OR2J2: variants seen among roughly 807,000 people sequenced by gnomAD.
The protein encoded by OR2J2 is olfactory receptor 2J2.
A neutral mutation model predicts 16.9 loss-of-function variants in OR2J2; 13 were observed. The observed-to-expected ratio is 0.77, with a 90% confidence interval of 0.50 to 1.23. The LOEUF is 1.23. Among genes scored for constraint, OR2J2 ranks in the 50% most tolerant of loss-of-function variants. The probability of loss-of-function intolerance (pLI) is 0.00; values close to 1 mark genes in which losing one functional copy is unlikely to be tolerated. For missense variants in OR2J2, 341 were observed against 379.1 expected (o/e 0.90, Z 0.84); for synonymous variants, 125 against 141.2 (o/e 0.89, Z 0.81).
rs763833421 is a variant in OR2J2 at position 29,174,586 on chromosome 6, T to A, written c.*12T>A. 37 of 1,562,820 alleles carry A rather than the reference T, an allele frequency of 2.4e-5. No individual in the cohort carries two copies. The highest frequency in any genetic ancestry group is 3.2e-5 in the Non-Finnish European group (37 of 1,154,562). ...AGTGGGGGAAGTGACAGGGAAATCA[T>A]GTTGTCTGTTGTCATTGTTTTTCCT... On this transcript the variant is annotated 3_prime_UTR_variant, in exon 2 of 2. Coordinates refer to ENST00000641417, the MANE Select transcript of OR2J2 (RefSeq NM_030905.3).
In OR2J2 at chr6:29,174,191, C is replaced by T. The variant is rs1237218691; in HGVS notation, c.556C>T (p.Leu186=). The T allele has an allele frequency of 9.3e-6, 15 of 1,613,766 alleles. No homozygotes were observed. Among genetic ancestry groups the T allele is most frequent in the Non-Finnish European group, 1.3e-5 (15 of 1,179,956 alleles). ...CTTCTTCTGTGAAGTTCCAGCACTTCTGCGTTTATCATGTGTTGACACCCA... is the reference window on the plus strand; with the variant it reads ...CTTCTTCTGTGAAGTTCCAGCACTTTTGCGTTTATCATGTGTTGACACCCA... The part of the protein sequence containing the change: ...DHFFCEVPAL[L]RLSCVDTHAN... The change falls in exon 2 of 2, where the codon CTG becomes TTG. Residue 186 remains leucine (L), a synonymous_variant. Transcript: ENST00000641417.
Position 29,174,486 on chromosome 6 carries a change from C to A in OR2J2, c.851C>A (p.Pro284Gln), listed in dbSNP as rs368672235. ...FIALFYTVVT[P>Q]SLNPLIYTLR... ...GCCCTCTTTTATACTGTTGTCACAC[C>A]GAGTCTTAATCCTCTAATCTACACT... The change falls in exon 2 of 2, where the codon CCG (proline) becomes CAG (glutamine). Residue 284 changes from proline to glutamine, a missense_variant. Physicochemically the swap from Pro to Gln is moderately conservative, Grantham distance 76. Transcript: ENST00000641417. 3.1e-6 allele frequency: 5 copies of A among 1,613,598 alleles called. No homozygotes were observed. The highest frequency in any genetic ancestry group is 4.2e-6 in the Non-Finnish European group (5 of 1,179,890).
chr6:29,174,786 A>G lies in OR2J2; in HGVS notation c.*212A>G. On this transcript the variant is annotated 3_prime_UTR_variant, in exon 2 of 2. Transcript: ENST00000641417. The stretch of plus-strand genomic sequence containing the variant: ...ATTAGTGCCACTTTGTTCTTTTACA[A>G]TTGTATATTTTATTTCTGTGAAAAT... 2.1e-6 allele frequency: 1 copy of G among 465,762 alleles called. No homozygotes were observed. The highest frequency in any genetic ancestry group is 3.3e-5 in the East Asian group (1 of 30,328). 28.9% of individuals were successfully genotyped at this position (465,762 alleles called of 1,614,324 possible).
At chr6:29,171,313 T>C (rs997209427) in intron 1 of OR2J2, among the ~76,000 whole-genome samples, 1 of 152,054 alleles carries the variant, frequency 6.6e-6, no homozygotes, top group African/African-American at 2.4e-5. Flanking sequence ...TATACAATTA[T>C]TACTAGTCAA....
rs3129152 is a variant in OR2J2, at chr6:29,171,000, A to C, written c.-123A>C. ...ATGTTATAAGAAGGCAATTAGGTTGATGTTTTTAGGTTGTATGGCAACCAG... is the reference window on the plus strand; with the variant it reads ...ATGTTATAAGAAGGCAATTAGGTTGCTGTTTTTAGGTTGTATGGCAACCAG... On this transcript the variant is annotated 5_prime_UTR_variant, in exon 1 of 2. It removes an upstream start codon present in the reference 5' UTR. Coordinates refer to ENST00000641417, the MANE Select transcript of OR2J2 (RefSeq NM_030905.3). 35,918 of 152,008 alleles carry C rather than the reference A, an allele frequency of 0.24. 4,902 individuals are homozygous for C. The highest frequency in any genetic ancestry group is 0.37 in the African/African-American group (15,209 of 41,424). The allele number at this position is 152,008 out of a possible 1,614,324, so 9.4% of individuals were successfully genotyped here.
In OR2J2 at chr6:29,174,633, G is replaced by A. The variant is rs1322371311; in HGVS notation, c.*59G>A. On this transcript the variant is annotated 3_prime_UTR_variant, in exon 2 of 2. Coordinates refer to ENST00000641417, the MANE Select transcript of OR2J2 (RefSeq NM_030905.3). ...TCCTAGGGTCTTAGCCATCTTGAAA[G>A]GTGGTTTCCCTGCTTCTTTGTGATT... 1.5e-6 allele frequency: 2 copies of A among 1,371,170 alleles called. No homozygotes were observed. The highest frequency in any genetic ancestry group is 2.0e-6 in the Non-Finnish European group (2 of 1,013,472). 84.9% of individuals were successfully genotyped at this position (1,371,170 alleles called of 1,614,324 possible).
At chr6:29,172,879 G>T (rs1765577207) in intron 1 of OR2J2, among the ~76,000 whole-genome samples, 1 of 152,050 alleles carries the variant, frequency 6.6e-6, no homozygotes. Flanking sequence ...TCACTGTTGT[G>T]CATCCAAACA....
chr6:29,174,423 C>T lies in OR2J2; in HGVS notation c.788C>T (p.Pro263Leu). The change falls in exon 2 of 2, where the codon CCA (proline) becomes CTA (leucine). Residue 263 changes from proline to leucine, a missense_variant. Transcript: ENST00000641417. ...FIPVMCMYLQ[P>L]PSENSPDQGK... is the part of the protein sequence containing the mutation. Reference sequence around the variant, plus strand: ...CCAGTCATGTGCATGTATCTCCAGCCACCATCAGAAAATTCTCCTGATCAG... The same window carrying T: ...CCAGTCATGTGCATGTATCTCCAGCTACCATCAGAAAATTCTCCTGATCAG... 1 of 1,613,942 alleles carries T rather than the reference C, an allele frequency of 6.2e-7. No individual in the cohort carries two copies. Among genetic ancestry groups the T allele is most frequent in the South Asian group, 1.1e-5 (1 of 91,076 alleles).
At chr6:29,173,107 G>A (rs187548898) in intron 1 of OR2J2, among the ~76,000 whole-genome samples, 7 of 152,110 alleles carry the variant, frequency 4.6e-5, no homozygotes, top group African/African-American at 1.7e-4. Flanking sequence ...TATTTGTCTA[G>A]AAATAAACTG....
At chr6:29,173,066 T>C (rs1765588893) in intron 1 of OR2J2, among the ~76,000 whole-genome samples, 1 of 152,136 alleles carries the variant, frequency 6.6e-6, no homozygotes, top group Non-Finnish European at 1.5e-5. Context: ...TGCGTGCATA[T>C]TCTCTTTAAA....
rs1765648664 is a variant in OR2J2 at position 29,173,905 on chromosome 6, A to G, written c.270A>G (p.Glu90=). ...TGCTGGTGAATCTCCGGGGCCCGGA[A>G]AAGACCATCTCGTATGCTGGTTGCA... ...PQLLVNLRGP[E]KTISYAGCMV... The change falls in exon 2 of 2, where the codon GAA becomes GAG. Residue 90 remains glutamate, a synonymous_variant. Coordinates refer to ENST00000641417, the MANE Select transcript of OR2J2 (RefSeq NM_030905.3). 1 of 1,612,000 alleles carries G rather than the reference A, an allele frequency of 6.2e-7. No homozygotes were observed. The highest frequency in any genetic ancestry group is 1.1e-5 in the South Asian group (1 of 90,862).
rs774189553 is a variant in OR2J2, at chr6:29,174,524, C to T, written c.889C>T (p.His297Tyr). ...NPLIYTLRNK[H>Y]VKGAAKRLLG... ...TCTAATCTACACTCTCAGAAACAAG[C>T]ATGTAAAAGGGGCAGCGAAGAGACT... The change falls in exon 2 of 2, where the codon CAT (histidine) becomes TAT (tyrosine). Residue 297 changes from histidine to tyrosine, a missense_variant. His to Tyr is a moderately conservative substitution (Grantham distance 83, BLOSUM62 2). Coordinates refer to ENST00000641417, the MANE Select transcript of OR2J2 (RefSeq NM_030905.3). The T allele has an allele frequency of 1.2e-6, 2 of 1,613,512 alleles. No homozygotes were observed. Among genetic ancestry groups the T allele is most frequent in the East Asian group, 2.2e-5 (1 of 44,830 alleles).
At position 29,174,984 on chromosome 6, in the gene OR2J2, A is replaced by C. The variant is rs1765761995; in HGVS notation, c.*410A>C. On this transcript the variant is annotated 3_prime_UTR_variant, in exon 2 of 2. Coordinates refer to ENST00000641417, the MANE Select transcript of OR2J2 (RefSeq NM_030905.3). Reference sequence around the variant, plus strand: ...AGGCTAAAAAGGTTTTTGGTTATTGAATAAACCTTAAATGAAGCTAAAAAT... The same window carrying C: ...AGGCTAAAAAGGTTTTTGGTTATTGCATAAACCTTAAATGAAGCTAAAAAT... 1 of 163,300 alleles carries C rather than the reference A, an allele frequency of 6.1e-6. No individual in the cohort carries two copies. Among genetic ancestry groups the C allele is most frequent in the African/African-American group, 2.4e-5 (1 of 41,866 alleles). The allele number at this position is 163,300 out of a possible 1,614,324, so 10.1% of individuals were successfully genotyped here.
chr6:29,173,888 A>G lies in OR2J2; in HGVS notation c.253A>G (p.Asn85Asp), dbSNP rs1354134237. The change falls in exon 2 of 2, where the codon AAT (asparagine) becomes GAT (aspartate). Residue 85 changes from asparagine (N) to aspartate (D), a missense_variant. Coordinates refer to ENST00000641417, the MANE Select transcript of OR2J2 (RefSeq NM_030905.3). ...CAGCTCTATCCCTCAGTTGCTGGTG[A>G]ATCTCCGGGGCCCGGAAAAGACCAT... is the stretch of plus-strand genomic sequence containing the variant. ...TTSSIPQLLV[N>D]LRGPEKTISY... The G allele has an allele frequency of 1.9e-6, 3 of 1,611,670 alleles. No individual in the cohort carries two copies. Among genetic ancestry groups the G allele is most frequent in the East Asian group, 2.2e-5 (1 of 44,796 alleles).
chr6:29,173,702 C>T lies in OR2J2; in HGVS notation c.67C>T (p.Gln23Ter), dbSNP rs199886529. The change falls in exon 2 of 2, where the codon CAG becomes TAG. Residue 23 changes from glutamine to a stop codon, truncating the protein, a stop_gained. Transcript: ENST00000641417. LOFTEE classifies it high-confidence loss of function. ...FILLGFSNWP[Q>*]LEVVLFVVIL... ...TCTACTTGGATTTTCTAATTGGCCT[C>T]AGCTGGAAGTAGTTCTCTTTGTGGT... 6.2e-6 allele frequency: 10 copies of T among 1,613,446 alleles called. No homozygotes were observed. The highest frequency in any genetic ancestry group is 1.6e-4 in the Middle Eastern group (1 of 6,072).
chr6:29,172,762 C>G (rs2151018581), intron 1 of OR2J2, among the ~76,000 whole-genome samples: 1 of 152,222 alleles, frequency 6.6e-6, no homozygotes. Flanking sequence ...AGTTATTGGC[C>G]TAAAGCATAT....
At position 29,174,956 on chromosome 6, in the gene OR2J2, C is replaced by G. The variant is rs1765758927; in HGVS notation, c.*382C>G. On this transcript the variant is annotated 3_prime_UTR_variant, in exon 2 of 2. Coordinates refer to ENST00000641417, the MANE Select transcript of OR2J2 (RefSeq NM_030905.3). ...AAAGAGAAGGGCAATATTGCAAAGA[C>G]TTAGGCTAAAAAGGTTTTTGGTTAT... is the stretch of plus-strand genomic sequence containing the variant. 1 of 176,306 alleles carries G rather than the reference C, an allele frequency of 5.7e-6. No homozygotes were observed. Among genetic ancestry groups the G allele is most frequent in the South Asian group, 1.9e-4 (1 of 5,208 alleles). The allele number at this position is 176,306 out of a possible 1,614,324, so 10.9% of individuals were successfully genotyped here.
chr6:29,171,375 C>T (rs57846835), intron 1 of OR2J2, among the ~76,000 whole-genome samples: 2,132 of 151,966 alleles, frequency 0.014, 28 homozygotes, highest in African/African-American at 0.031. Flanking sequence ...GGATGTGACA[C>T]AAATTGGCAT....
Position 29,174,594 on chromosome 6 carries a change from G to C in OR2J2, c.*20G>C. ...AAGTGACAGGGAAATCATGTTGTCT[G>C]TTGTCATTGTTTTTCCTAGGGTCTT... is the stretch of plus-strand genomic sequence containing the variant. On this transcript the variant is annotated 3_prime_UTR_variant, in exon 2 of 2. Transcript: ENST00000641417. 1.3e-6 allele frequency: 2 copies of C among 1,554,036 alleles called. No individual in the cohort carries two copies. Among genetic ancestry groups the C allele is most frequent in the African/African-American group, 1.4e-5 (1 of 73,456 alleles).
Sources: allele counts gnomAD v4.1 joint callset (sites outside exome capture counted in the v4.1 genomes callset), GRCh38; gene constraint gnomAD v4.1.1; transcripts MANE v1.5; gene names NCBI Gene and HGNC (gene_info 2026-07-23, HGNC 2026-07-21).